The following IL15RA variants were observed in gnomAD, a reference collection of about 807,000 sequenced individuals.
IL15RA encodes the protein interleukin-15 receptor subunit alpha.
Under a neutral mutation model 24.2 loss-of-function variants are expected in IL15RA, and 26 were observed. The observed-to-expected ratio is 1.07, with a 90% CI of 0.79 to 1.49. The LOEUF is 1.49. IL15RA is among the 40% of genes most tolerant of loss of function. The pLI, the probability that IL15RA is intolerant of heterozygous loss-of-function variation, is 0.00. For missense variants in IL15RA, 354 were observed against 356.4 expected, an observed-to-expected ratio of 0.99 and a Z score of 0.05; for synonymous variants, 166 against 157.6, an observed-to-expected ratio of 1.05 and a Z score of -0.40.
In IL15RA at chr10:5,958,358, G is replaced by A. The variant is rs1403412246; in HGVS notation, c.616+1396C>T. On this transcript the variant is annotated intron_variant, in intron 5 of 6. Transcript: ENST00000379977. This position sits in a 1 kb window ranked among gnomAD's most constrained non-coding sequence, Gnocchi z 4.3. ...AGCAAGTGTTGCTTCCTTCCTGCAA[G>A]GGGATTTTTGAGTTAGAAATGGGAT... is the stretch of plus-strand genomic sequence containing the variant. The A allele has an allele frequency of 2.2e-6, 1 of 445,562 alleles. No homozygotes were observed. Among genetic ancestry groups the A allele is most frequent in the Non-Finnish European group, 4.5e-6 (1 of 222,456 alleles). The allele number at this position is 445,562 out of a possible 1,614,324, so 27.6% of individuals were successfully genotyped here.
chr10:5,977,621 C>A, upstream of IL15RA: 1 of 1,261,750 alleles, frequency 7.9e-7, no homozygotes, highest in Non-Finnish European at 1.0e-6. Flanking sequence ...TGCTTTGGCC[C>A]CCGAGGGCTC....
chr10:5,952,358 G>A (rs1833943087), downstream of IL15RA: 1 of 152,470 alleles, frequency 6.6e-6, no homozygotes, highest in Non-Finnish European at 1.5e-5. Flanking sequence ...TTTCTCCTTG[G>A]TGATTCTCTT....
In IL15RA at chr10:5,960,433, C is replaced by T. The variant is rs113967822; in HGVS notation, c.517G>A (p.Gly173Ser). ...TEISSHESSH[G>S]TPSQTTAKNW... is the part of the protein sequence containing the mutation. ...TTGGCTGTTGTCTGAGAGGGGGTGC[C>T]GTGGGAGGACTCATGACTGCTTATC... is the stretch of plus-strand genomic sequence containing the variant. The change falls in exon 4 of 7, where the codon GGC becomes AGC. Residue 173 changes from glycine (G) to serine (S), a missense_variant. Physicochemically the swap from Gly to Ser is moderately conservative, Grantham distance 56. Coordinates refer to ENST00000379977, the MANE Select transcript of IL15RA (RefSeq NM_002189.4). The surrounding 1 kb of genome is among the most constrained non-coding windows in gnomAD (Gnocchi z 5.1). 30 of 1,613,556 alleles carry T rather than the reference C, an allele frequency of 1.9e-5. No homozygotes were observed. The highest frequency in any genetic ancestry group is 1.6e-4 in the Middle Eastern group (1 of 6,084).
Position 5,959,605 on chromosome 10 carries a change from T to G in IL15RA, c.616+149A>C. On this transcript the variant is annotated intron_variant, in intron 5 of 6. Transcript: ENST00000379977. The surrounding 1 kb of genome is among the most constrained non-coding windows in gnomAD (Gnocchi z 4.1). ...AGAATTCCATAAATCAGCTATTACT[T>G]AACTTATTATCTGATGGAGGCCTTC... 1.4e-6 allele frequency: 1 copy of G among 690,418 alleles called. No homozygotes were observed. Among genetic ancestry groups the G allele is most frequent in the Non-Finnish European group, 2.6e-6 (1 of 388,250 alleles). The allele number at this position is 690,418 out of a possible 1,614,324, so 42.8% of individuals were successfully genotyped here. A position where few individuals can be genotyped will look rare whatever the true frequency, so the allele number is the denominator to read the frequency against.
rs1430798416 is a variant in IL15RA at position 5,967,440 on chromosome 10, T to C, written c.89-1101A>G. Among the ~76,000 whole-genome samples, 1 of 152,164 alleles carries C rather than the reference T, an allele frequency of 6.6e-6. No individual in the cohort carries two copies. The highest frequency in any genetic ancestry group is 1.5e-5 in the Non-Finnish European group (1 of 68,024). On this transcript the variant is annotated intron_variant, in intron 1 of 6. Transcript: ENST00000379977. The surrounding 1 kb of genome is among the most constrained non-coding windows in gnomAD (Gnocchi z 4.4). ...GGATGGCCTTGATCTCTTGACCTTG[T>C]GATCATCCCGCTTTGGCCTCCCAAA...
At position 5,970,853 on chromosome 10, in the gene IL15RA, T is replaced by G. The variant is rs533276580; in HGVS notation, c.89-4514A>C. Among the ~76,000 whole-genome samples, 18 of 152,076 alleles carry G rather than the reference T, an allele frequency of 1.2e-4. No homozygotes were observed. Among genetic ancestry groups the G allele is most frequent in the African/African-American group, 3.9e-4 (16 of 41,474 alleles). On this transcript the variant is annotated intron_variant, in intron 1 of 6. Coordinates refer to ENST00000379977, the MANE Select transcript of IL15RA (RefSeq NM_002189.4). This position sits in a 1 kb window ranked among gnomAD's most constrained non-coding sequence, Gnocchi z 4.1. ...ATGCCCCGCTGCAGCCTCAAACTCC[T>G]GGCCTTAAGCAATCCTCCTGCCTCA...
rs746234590 is a variant in IL15RA, at chr10:5,975,565, A to G, written c.88+1840T>C. ...AATATATGCAGTTTATTGTCGGTCAATTATACCTCAATAAGGCTGTTAAAG... is the reference window on the plus strand; with the variant it reads ...AATATATGCAGTTTATTGTCGGTCAGTTATACCTCAATAAGGCTGTTAAAG... On this transcript the variant is annotated intron_variant, in intron 1 of 6. Coordinates refer to ENST00000379977, the MANE Select transcript of IL15RA (RefSeq NM_002189.4). The surrounding 1 kb of genome is among the most constrained non-coding windows in gnomAD (Gnocchi z 4.8). 2.7e-5 allele frequency among the ~76,000 whole-genome samples: 4 copies of G among 149,108 alleles called. No individual in the cohort carries two copies. Among genetic ancestry groups the G allele is most frequent in the Non-Finnish European group, 6.0e-5 (4 of 66,948 alleles).
rs762846177 is a variant in IL15RA, at chr10:5,960,426, G to C, written c.524C>G (p.Pro175Arg). 2.2e-5 allele frequency: 35 copies of C among 1,614,024 alleles called. No individual in the cohort carries two copies. The highest frequency in any genetic ancestry group is 3.0e-5 in the Non-Finnish European group (35 of 1,180,008). Reference protein sequence around the residue: ...ISSHESSHGTPSQTTAKNWEL... With the variant: ...ISSHESSHGTRSQTTAKNWEL... ...CCAGTTCTTGGCTGTTGTCTGAGAG[G>C]GGGTGCCGTGGGAGGACTCATGACT... The change falls in exon 4 of 7, where the codon CCC becomes CGC. Residue 175 changes from proline (P) to arginine (R), a missense_variant. Transcript: ENST00000379977. This position sits in a 1 kb window ranked among gnomAD's most constrained non-coding sequence, Gnocchi z 5.1.
In IL15RA at chr10:5,958,225, G is replaced by T; in HGVS notation, c.616+1529C>A. 2.6e-6 allele frequency: 1 copy of T among 387,538 alleles called. No individual in the cohort carries two copies. Among genetic ancestry groups the T allele is most frequent in the South Asian group, 1.7e-5 (1 of 57,286 alleles). 24.0% of individuals were successfully genotyped at this position (387,538 alleles called of 1,614,324 possible). ...GATCTACAAGGTATACCAGCAAGTGGAAACAAACATGGTACAGAAAAGGAG... is the reference window on the plus strand; with the variant it reads ...GATCTACAAGGTATACCAGCAAGTGTAAACAAACATGGTACAGAAAAGGAG... On this transcript the variant is annotated intron_variant, in intron 5 of 6. Transcript: ENST00000379977. This position sits in a 1 kb window ranked among gnomAD's most constrained non-coding sequence, Gnocchi z 4.3.
rs1473949117 is a variant in IL15RA at position 5,962,938 on chromosome 10, G to T, written c.382+805C>A. ...CACTGAGAAAGCGCTGAGGAAATTG[G>T]GCCTGACAAGCACCAAAGACTCTGT... is the stretch of plus-strand genomic sequence containing the variant. On this transcript the variant is annotated intron_variant, in intron 3 of 6. Transcript: ENST00000379977. The surrounding 1 kb of genome is among the most constrained non-coding windows in gnomAD (Gnocchi z 5.2). 6.6e-6 allele frequency among the ~76,000 whole-genome samples: 1 copy of T among 152,158 alleles called. No homozygotes were observed. Among genetic ancestry groups the T allele is most frequent in the Non-Finnish European group, 1.5e-5 (1 of 68,030 alleles).
intron 6 of IL15RA, chr10:5,954,147 T>C (rs1834174660): frequency 6.6e-6 from 1 of 150,814 alleles, no homozygotes; most frequent in African/African-American, 2.4e-5. Context: ...GTAATTACAC[T>C]CATCAAATTT....
At position 5,973,081 on chromosome 10, in the gene IL15RA, C is replaced by T. The variant is rs999648184; in HGVS notation, c.88+4324G>A. 3.9e-5 allele frequency among the ~76,000 whole-genome samples: 6 copies of T among 152,246 alleles called. No homozygotes were observed. The highest frequency in any genetic ancestry group is 2.0e-4 in the Admixed American group (3 of 15,280). ...AACAAAGCAGTCTTCTCAGTTGCTTCTGGCCATCGCCCGCAATCTTTCAGA... is the reference window on the plus strand; with the variant it reads ...AACAAAGCAGTCTTCTCAGTTGCTTTTGGCCATCGCCCGCAATCTTTCAGA... On this transcript the variant is annotated intron_variant, in intron 1 of 6. Coordinates refer to ENST00000379977, the MANE Select transcript of IL15RA (RefSeq NM_002189.4). The surrounding 1 kb of genome is among the most constrained non-coding windows in gnomAD (Gnocchi z 4.5).
In IL15RA at chr10:5,955,252, A is replaced by G. The variant is rs1276187703; in HGVS notation, c.692+1127T>C. 6.6e-6 allele frequency among the ~76,000 whole-genome samples: 1 copy of G among 152,034 alleles called. No individual in the cohort carries two copies. The highest frequency in any genetic ancestry group is 2.4e-5 in the African/African-American group (1 of 41,388). ...GTAGCTGGCATTACAGGCATGCACC[A>G]CCATGGCCTGCTTATTTTGTATTTT... On this transcript the variant is annotated intron_variant, in intron 6 of 6. Coordinates refer to ENST00000379977, the MANE Select transcript of IL15RA (RefSeq NM_002189.4). This position sits in a 1 kb window ranked among gnomAD's most constrained non-coding sequence, Gnocchi z 5.3.
At position 5,967,885 on chromosome 10, in the gene IL15RA, C is replaced by G. The variant is rs1836855112; in HGVS notation, c.89-1546G>C. 6.6e-6 allele frequency among the ~76,000 whole-genome samples: 1 copy of G among 152,138 alleles called. No individual in the cohort carries two copies. Among genetic ancestry groups the G allele is most frequent in the Non-Finnish European group, 1.5e-5 (1 of 68,018 alleles). On this transcript the variant is annotated intron_variant, in intron 1 of 6. Coordinates refer to ENST00000379977, the MANE Select transcript of IL15RA (RefSeq NM_002189.4). This position sits in a 1 kb window ranked among gnomAD's most constrained non-coding sequence, Gnocchi z 4.4. ...ACCAGCCTGGCTAACATGGTGAAAG[C>G]CCGTCTCTACTAAAATACAAAAAAT...
At position 5,963,963 on chromosome 10, in the gene IL15RA, TCAGA is replaced by T; in HGVS notation, c.284-126_284-123del. The T allele has an allele frequency of 1.6e-6, 1 of 622,158 alleles. No individual in the cohort carries two copies. The highest frequency in any genetic ancestry group is 2.8e-6 in the Non-Finnish European group (1 of 358,944). The allele number at this position is 622,158 out of a possible 1,614,324, so 38.5% of individuals were successfully genotyped here. ...CTTACAGTGGAGGCCTCTGGCTTCC[TCAGA>T]CAGGTTAAAAGCATAAGAAACAATG... On this transcript the variant is annotated intron_variant, in intron 2 of 6. Transcript: ENST00000379977. The surrounding 1 kb of genome is among the most constrained non-coding windows in gnomAD (Gnocchi z 5.3).
Position 5,953,309 on chromosome 10 carries a change from C to T in IL15RA, c.693-103G>A. 2.4e-6 allele frequency: 2 copies of T among 831,754 alleles called. No homozygotes were observed. Among genetic ancestry groups the T allele is most frequent in the African/African-American group, 1.7e-5 (1 of 59,886 alleles). The allele number at this position is 831,754 out of a possible 1,614,324, so 51.5% of individuals were successfully genotyped here. A position where few individuals can be genotyped will look rare whatever the true frequency, so the allele number is the denominator to read the frequency against. On this transcript the variant is annotated intron_variant, in intron 6 of 6. Transcript: ENST00000379977. The surrounding 1 kb of genome is among the most constrained non-coding windows in gnomAD (Gnocchi z 5.3). The stretch of plus-strand genomic sequence containing the variant: ...TGTATGTCCAGCACTGCGGGGATGG[C>T]AGGAGCAGACAGAGGCCCTGCCACG...
In IL15RA at chr10:5,966,671, G is replaced by T. The variant is rs1332364519; in HGVS notation, c.89-332C>A. ...TTCACCCCTCTCCACCGTGGACCCA[G>T]CCTCCAATTCTCACTGAACGACAGC... On this transcript the variant is annotated intron_variant, in intron 1 of 6. Transcript: ENST00000379977. This position sits in a 1 kb window ranked among gnomAD's most constrained non-coding sequence, Gnocchi z 6.4. Among the ~76,000 whole-genome samples, 1 of 152,062 alleles carries T rather than the reference G, an allele frequency of 6.6e-6. No homozygotes were observed. Among genetic ancestry groups the T allele is most frequent in the Non-Finnish European group, 1.5e-5 (1 of 68,014 alleles).
Position 5,968,066 on chromosome 10 carries a change from C to T in IL15RA, c.89-1727G>A, listed in dbSNP as rs1166035701. Among the ~76,000 whole-genome samples, 2 of 152,070 alleles carry T rather than the reference C, an allele frequency of 1.3e-5. No homozygotes were observed. The highest frequency in any genetic ancestry group is 4.8e-5 in the African/African-American group (2 of 41,400). On this transcript the variant is annotated intron_variant, in intron 1 of 6. Coordinates refer to ENST00000379977, the MANE Select transcript of IL15RA (RefSeq NM_002189.4). This position sits in a 1 kb window ranked among gnomAD's most constrained non-coding sequence, Gnocchi z 5.4. ...AGAGCAAGAATCTGTCTCAAACAAA[C>T]AGAAAACCCCCCAAAAACCAACAAA...
Position 5,962,591 on chromosome 10 carries a change from C to CAAA in IL15RA, c.382+1149_382+1151dup, listed in dbSNP as rs1353262028. Among the ~76,000 whole-genome samples the CAAA allele has an allele frequency of 4.3e-3, 464 of 108,944 alleles. 3 individuals are homozygous for CAAA. The highest frequency in any genetic ancestry group is 0.014 in the African/African-American group (421 of 29,860). 71.5% of individuals were successfully genotyped at this position (108,944 alleles called of 152,430 possible). A position where few individuals can be genotyped will look rare whatever the true frequency, so the allele number is the denominator to read the frequency against. The stretch of plus-strand genomic sequence containing the variant: ...TGGGCAATAGAGCAAGACCCCATCT[C>CAAA]AAAAAAAAAAAAAAAAAAGATCCAC... On this transcript the variant is annotated intron_variant, in intron 3 of 6. Coordinates refer to ENST00000379977, the MANE Select transcript of IL15RA (RefSeq NM_002189.4). The surrounding 1 kb of genome is among the most constrained non-coding windows in gnomAD (Gnocchi z 5.2).
Sources: gnomAD v4.1 joint callset for allele counts (sites outside exome capture counted in the v4.1 genomes callset) on GRCh38, gnomAD v4.1.1 for gene constraint, Gnocchi (gnomAD v3.1) non-coding constraint, MANE v1.5 for transcripts, NCBI Gene and HGNC (gene_info 2026-07-23, HGNC 2026-07-21) for gene names.